Variants in CHEK2 observed in about 807,000 individuals in gnomAD.
CHEK2 encodes serine/threonine-protein kinase Chk2.
A neutral mutation model predicts 69.1 loss-of-function variants in CHEK2; 71 were observed. The observed-to-expected ratio is 1.03, with a 90% CI of 0.85 to 1.25. CHEK2 has a LOEUF of 1.25. CHEK2 is among the 50% of genes most tolerant of loss of function. CHEK2 has a pLI of 0.00. For synonymous variants in CHEK2, 189 were observed against 226.9 expected, an observed-to-expected ratio of 0.83 and a Z score of 1.50; for missense variants, 664 against 649.6, an observed-to-expected ratio of 1.02 and a Z score of -0.24.
At position 28,695,654 on chromosome 22, in the gene CHEK2, G is replaced by C. The variant is rs1247226763; in HGVS notation, c.1259+56C>G. 3 of 1,480,062 alleles carry C rather than the reference G, an allele frequency of 2.0e-6. No homozygotes were observed. In the African/African-American group the frequency reaches 4.2e-5, roughly 21 times the overall value. 91.7% of individuals were successfully genotyped at this position (1,480,062 alleles called of 1,614,324 possible). A position where few individuals can be genotyped will look rare whatever the true frequency, so the allele number is the denominator to read the frequency against. ...CTGGACAACAGAGCAAGACACATTTGTGACTTCATCTAATCACCTCCTACC... is the reference window on the plus strand; with the variant it reads ...CTGGACAACAGAGCAAGACACATTTCTGACTTCATCTAATCACCTCCTACC... On this transcript the variant is annotated intron_variant, in intron 11 of 14. Coordinates refer to ENST00000404276, the MANE Select transcript of CHEK2 (RefSeq NM_007194.4).
intron 7 of CHEK2, among the ~76,000 whole-genome samples, chr22:28,707,781 T>C (rs149222731): frequency 2.1e-3 from 316 of 152,250 alleles, no homozygotes; most frequent in African/African-American, 7.1e-3. Context: ...AATGTTATGT[T>C]TGAAGATCAT....
chr22:28,737,891 T>G (rs933431734), intron 1 of CHEK2: 1 of 152,322 alleles, frequency 6.6e-6, no homozygotes, highest in Non-Finnish European at 1.5e-5. Context: ...CCACACTGAT[T>G]GTATTTACAC....
chr22:28,697,026 G>A (rs2052617753), intron 9 of CHEK2, 39 bp from the exon 10 acceptor site: 2 of 1,267,614 alleles, frequency 1.6e-6, no homozygotes, highest in African/African-American at 1.5e-5. Context: ...GATTCATGCA[G>A]TAGATACTTA....
chr22:28,731,442 A>T lies in CHEK2; in HGVS notation c.319+2961T>A, dbSNP rs182402272. On this transcript the variant is annotated intron_variant, in intron 2 of 14. Transcript: ENST00000404276. ...GATGACAACCCGTCCCTACTAAAAA[A>T]TACAGAACTTAGCCACGGTGGTGGG... 2.0e-5 allele frequency among the ~76,000 whole-genome samples: 3 copies of T among 152,108 alleles called. No homozygotes were observed. In the East Asian group the frequency reaches 5.8e-4, roughly 29 times the overall value.
intron 2 of CHEK2, among the ~76,000 whole-genome samples, chr22:28,732,172 C>T (rs968924842): frequency 6.6e-6 from 1 of 151,726 alleles, no homozygotes; most frequent in African/African-American, 2.4e-5. Context: ...AGTGCAATGG[C>T]GAGATCTCGG....
At chr22:28,714,279 T>C (rs1294210168) in intron 5 of CHEK2, among the ~76,000 whole-genome samples, 3 of 152,238 alleles carry the variant, frequency 2.0e-5, no homozygotes, top group Non-Finnish European at 4.4e-5. Context: ...TGAAGTGGTA[T>C]CTCATTGTGG....
chr22:28,727,090 G>T (rs1341683720), intron 2 of CHEK2, among the ~76,000 whole-genome samples: 1 of 152,108 alleles, frequency 6.6e-6, no homozygotes, highest in Non-Finnish European at 1.5e-5. Flanking sequence ...CGCCCAGGCT[G>T]GAGTGCGGTG....
At chr22:28,734,924 G>C (rs1324355825) in intron 1 of CHEK2, among the ~76,000 whole-genome samples, 197 bp from the exon 2 acceptor site, 1 of 151,582 alleles carries the variant, frequency 6.6e-6, no homozygotes, top group Non-Finnish European at 1.5e-5. Context: ...CCAGATCATT[G>C]TCACCAGATC....
intron 2 of CHEK2, among the ~76,000 whole-genome samples, chr22:28,732,868 T>G (rs2054260536): frequency 6.6e-6 from 1 of 152,166 alleles, no homozygotes. Context: ...CCTGGCTCAT[T>G]GCAACCTCTG....
chr22:28,704,545 T>C, intron 7 of CHEK2, among the ~76,000 whole-genome samples: 1 of 152,006 alleles, frequency 6.6e-6, no homozygotes, highest in East Asian at 1.9e-4. Flanking sequence ...GTTGGCCAGG[T>C]TCGTCTTGAA....
At chr22:28,713,549 G>A (rs1384820006) in intron 5 of CHEK2, among the ~76,000 whole-genome samples, 2 of 151,900 alleles carry the variant, frequency 1.3e-5, no homozygotes, top group African/African-American at 4.8e-5. Context: ...AGTAGAGGGG[G>A]GTTTCACTGT....
chr22:28,729,081 G>T (rs2054105654), intron 2 of CHEK2, among the ~76,000 whole-genome samples: 1 of 152,104 alleles, frequency 6.6e-6, no homozygotes, highest in Admixed American at 6.6e-5. Context: ...ATTCGGAACG[G>T]AACACTGTCA....
chr22:28,735,793 A>T (rs1252407859), intron 1 of CHEK2, among the ~76,000 whole-genome samples: 2 of 151,886 alleles, frequency 1.3e-5, no homozygotes, highest in Admixed American at 6.6e-5. Flanking sequence ...GAAGCAGGAG[A>T]ATTGCTCGAG....
At chr22:28,725,784 C>T (rs2053981851) in intron 2 of CHEK2, among the ~76,000 whole-genome samples, 1 of 152,024 alleles carries the variant, frequency 6.6e-6, no homozygotes, top group African/African-American at 2.4e-5. Context: ...TGGTGGGTCC[C>T]TGTGGTCTCA....
rs587780185 is a variant in CHEK2, at chr22:28,725,004, T to C, written c.565A>G (p.Ile189Val). The change falls in exon 4 of 15, where the codon ATT (isoleucine) becomes GTT (valine). Residue 189 changes from isoleucine to valine, a missense_variant. By Grantham distance (29) the Ile-to-Val change is conservative (BLOSUM62 3). Coordinates refer to ENST00000404276, the MANE Select transcript of CHEK2 (RefSeq NM_007194.4). ...TTATTTCTGCTTAGTGACAGTGCAA[T>C]TTCAGAATTGTTATTCAAAGGACGG... ...KRRPLNNNSE[I>V]ALSLSRNKVF... 3.7e-6 allele frequency: 6 copies of C among 1,613,942 alleles called. No individual in the cohort carries two copies. Among genetic ancestry groups the C allele is most frequent in the Non-Finnish European group, 5.1e-6 (6 of 1,179,994 alleles).
At position 28,689,215 on chromosome 22, in the gene CHEK2, C is replaced by T. The variant is rs886041173; in HGVS notation, c.1462G>A (p.Asp488Asn). 1.9e-6 allele frequency: 3 copies of T among 1,557,094 alleles called. No homozygotes were observed. Among genetic ancestry groups the T allele is most frequent in the Admixed American group, 3.3e-5 (2 of 59,900 alleles). Residue 488 changes from aspartate (D) to asparagine (N), a missense_variant and splice_region_variant, in exon 14 of 15, where the codon GAT becomes AAT. Asp to Asn is a conservative substitution (Grantham distance 23). Transcript: ENST00000404276. ...EEALRHPWLQDEDMKRKFQDL... is the reference protein window; with the variant it reads ...EEALRHPWLQNEDMKRKFQDL... ...TGAAACTTTCTCTTCATGTCTTCATCCTGTGAGGGAATTAAAAACATAAGT... is the reference window on the plus strand; with the variant it reads ...TGAAACTTTCTCTTCATGTCTTCATTCTGTGAGGGAATTAAAAACATAAGT...
intron 2 of CHEK2, among the ~76,000 whole-genome samples, chr22:28,729,540 C>CAAAAAAAAAAAAAAAAAAAAAA (rs58149342): frequency 2.5e-4 from 21 of 83,076 alleles, no homozygotes; most frequent in East Asian, 1.1e-3. Context: ...GACTCCATCT[C>CAAAAAAAAAAAAAAAAAAAAAA]AAAAAAAAAA....
At chr22:28,738,290 C>G (rs2054472510) in intron 1 of CHEK2, among the ~76,000 whole-genome samples, 1 of 152,178 alleles carries the variant, frequency 6.6e-6, no homozygotes, top group African/African-American at 2.4e-5. Flanking sequence ...GTATGCCACA[C>G]CAGGGACTGC....
intron 2 of CHEK2, among the ~76,000 whole-genome samples, chr22:28,730,835 TGACAG>T (rs2054193448): frequency 6.6e-6 from 1 of 151,990 alleles, no homozygotes; most frequent in Non-Finnish European, 1.5e-5. Flanking sequence ...TCCAGCCTGG[TGACAG>T]AGCAAGGCTC....
Sources: allele counts gnomAD v4.1 joint callset (sites outside exome capture counted in the v4.1 genomes callset), GRCh38; gene constraint gnomAD v4.1.1; transcripts MANE v1.5; gene names NCBI Gene and HGNC (gene_info 2026-07-23, HGNC 2026-07-21).